Variants in PUM1 observed in about 807,000 individuals in gnomAD.
PUM1 encodes the protein pumilio RNA binding family member 1.
A neutral mutation model predicts 131.8 loss-of-function variants in PUM1; 13 were observed. The ratio of observed to expected loss-of-function variants is 0.10; its 90% CI spans 0.06 to 0.16. The LOEUF (loss-of-function observed/expected upper bound fraction) is 0.16, where lower values mean the gene tolerates loss of function less well. Ranked by LOEUF, PUM1 falls within the 10% of genes least tolerant of loss-of-function variation. The probability of loss-of-function intolerance (pLI) is 1.00; values close to 1 mark genes in which losing one functional copy is unlikely to be tolerated. For missense variants in PUM1, 961 were observed against 1,512.4 expected, an observed-to-expected ratio of 0.64 and a Z score of 6.05; for synonymous variants, 509 against 556.5, an observed-to-expected ratio of 0.91 and a Z score of 1.20.
chr1:30,954,031 T>C, intron 14 of PUM1, 50 bp from the exon 15 acceptor site: 2 of 1,566,000 alleles, frequency 1.3e-6, no homozygotes, highest in South Asian at 1.2e-5. Context: ...AGCAACTTCA[T>C]TCAAGAGAGA....
intron 2 of PUM1, among the ~76,000 whole-genome samples, chr1:31,033,540 T>C (rs1217104912): frequency 6.6e-6 from 1 of 152,052 alleles, no homozygotes; most frequent in African/African-American, 2.4e-5. Flanking sequence ...AATTTTCATA[T>C]TTTTTGAAGA....
intron 7 of PUM1, chr1:30,982,184 G>A (rs1483651259): frequency 6.6e-6 from 1 of 152,178 alleles, no homozygotes; most frequent in Non-Finnish European, 1.5e-5. Flanking sequence ...CTAAAGAAAA[G>A]AAAGTTCAAA....
intron 7 of PUM1, among the ~76,000 whole-genome samples, chr1:30,991,019 T>G (rs1344921881): frequency 1.3e-5 from 2 of 151,034 alleles, no homozygotes; most frequent in Admixed American, 6.6e-5. Context: ...AAACCAAAGA[T>G]CAATAAATCA....
At chr1:31,040,970 C>T (rs755919462) in intron 2 of PUM1, among the ~76,000 whole-genome samples, 1 of 152,014 alleles carries the variant, frequency 6.6e-6, no homozygotes, top group Non-Finnish European at 1.5e-5. Context: ...AAGAAGAAAA[C>T]GGGAGATGCA....
At chr1:31,038,984 A>ATATATATATATATATATATATATATTT in intron 2 of PUM1, among the ~76,000 whole-genome samples, 3 of 49,416 alleles carry the variant, frequency 6.1e-5, no homozygotes, top group African/African-American at 2.1e-4. Flanking sequence ...ATATATATAT[A>ATATATATATATATATATATATATATTT]TTTTTTTTTT....
At position 30,964,063 on chromosome 1, in the gene PUM1, C is replaced by T. The variant is rs560139340; in HGVS notation, c.2323+611G>A. Among the ~76,000 whole-genome samples, 6 of 152,210 alleles carry T rather than the reference C, an allele frequency of 3.9e-5. No homozygotes were observed. The South Asian group carries it at 1.2e-3, about 32-fold the overall frequency. On this transcript the variant is annotated intron_variant, in intron 14 of 21. Transcript: ENST00000426105. ...CTGCTGCTTGGGATCCTCTTTTTCT[C>T]TCCCTATTTTCTAGAATCTAGATGG...
rs776130667 is a variant in PUM1 at position 31,006,977 on chromosome 1, T to A, written c.541+17A>T. 1 of 1,585,182 alleles carries A rather than the reference T, an allele frequency of 6.3e-7. No individual in the cohort carries two copies. Among genetic ancestry groups the A allele is most frequent in the Non-Finnish European group, 8.7e-7 (1 of 1,154,082 alleles). ...AGACAGGCATAAATCACAGTACAGA[T>A]GCTAGATCTAGATTACCTGATGTTC... On this transcript the variant is annotated intron_variant, in intron 4 of 21. Transcript: ENST00000426105.
chr1:30,938,944 C>CAGACAGAT (rs1461475922), intron 20 of PUM1, among the ~76,000 whole-genome samples: 5 of 149,472 alleles, frequency 3.3e-5, no homozygotes, highest in African/African-American at 1.3e-4. Context: ...GACAGACAGA[C>CAGACAGAT]AGATAGACAG....
intron 2 of PUM1, among the ~76,000 whole-genome samples, chr1:31,030,009 A>G (rs1453456986): frequency 6.6e-6 from 1 of 151,426 alleles, no homozygotes; most frequent in Non-Finnish European, 1.5e-5. Flanking sequence ...TGAGATCAGG[A>G]GTTCGAGACC....
chr1:30,992,393 T>C lies in PUM1; in HGVS notation c.1155A>G (p.Gln385=). Residue 385 remains glutamine (Q), a synonymous_variant, in exon 7 of 22, where the codon CAA becomes CAG. Coordinates refer to ENST00000426105, the MANE Select transcript of PUM1 (RefSeq NM_001020658.2). ...GTGACAGAGACACACACAGTACCTG[T>C]TGTTGAGAATTGTAGTCAAAAAGTC... The part of the protein sequence containing the change: ...TVGLFDYNSQ[Q]QLFQRPNALA... 6.2e-7 allele frequency: 1 copy of C among 1,613,662 alleles called. No individual in the cohort carries two copies. Among genetic ancestry groups the C allele is most frequent in the Non-Finnish European group, 8.5e-7 (1 of 1,179,848 alleles).
At chr1:31,002,983 T>G (rs1220915562) in intron 5 of PUM1, among the ~76,000 whole-genome samples, 1 of 152,224 alleles carries the variant, frequency 6.6e-6, no homozygotes, top group East Asian at 1.9e-4. Flanking sequence ...TTTATTTTAG[T>G]TCTAAACACC....
chr1:30,986,563 A>AATCATC (rs541046734), intron 7 of PUM1, among the ~76,000 whole-genome samples: 13 of 152,036 alleles, frequency 8.6e-5, no homozygotes, highest in Non-Finnish European at 1.6e-4. Flanking sequence ...AAAAAAAAAA[A>AATCATC]ATCATCATCA....
chr1:30,992,425 T>C lies in PUM1; in HGVS notation c.1123A>G (p.Thr375Ala), dbSNP rs1452172090. The change falls in exon 7 of 22, where the codon ACT (threonine) becomes GCT (alanine). Residue 375 changes from threonine to alanine, a missense_variant. This residue lies in a region of PUM1 where 654 missense variants were observed against 923.9 expected (regional missense o/e 0.71). Coordinates refer to ENST00000426105, the MANE Select transcript of PUM1 (RefSeq NM_001020658.2). ...TQVPVDSAAATVGLFDYNSQQ... is the reference protein window; with the variant it reads ...TQVPVDSAAAAVGLFDYNSQQ... Reference sequence around the variant, plus strand: ...GAATTGTAGTCAAAAAGTCCCACAGTTGCTGCTGCTGAGTCCACAGGTACC... The same window carrying C: ...GAATTGTAGTCAAAAAGTCCCACAGCTGCTGCTGCTGAGTCCACAGGTACC... 1.2e-6 allele frequency: 2 copies of C among 1,614,174 alleles called. No homozygotes were observed. The highest frequency in any genetic ancestry group is 2.2e-5 in the East Asian group (1 of 44,884).
chr1:31,065,650 C>A lies in PUM1; in HGVS notation c.-46G>T, dbSNP rs1383267950. On this transcript the variant is annotated 5_prime_UTR_variant, in exon 1 of 22. Coordinates refer to ENST00000426105, the MANE Select transcript of PUM1 (RefSeq NM_001020658.2). Reference sequence around the variant, plus strand: ...GGTAGGATGAAGATGGATTTCAGCCCCCCGATCTTCTCTCTCTGGCGCTCT... The same window carrying A: ...GGTAGGATGAAGATGGATTTCAGCCACCCGATCTTCTCTCTCTGGCGCTCT... 3.2e-6 allele frequency: 5 copies of A among 1,549,422 alleles called. No individual in the cohort carries two copies. Among genetic ancestry groups the A allele is most frequent in the Non-Finnish European group, 4.4e-6 (5 of 1,146,848 alleles).
At chr1:31,017,370 G>C (rs982803454) in intron 3 of PUM1, among the ~76,000 whole-genome samples, 2 of 152,090 alleles carry the variant, frequency 1.3e-5, no homozygotes, top group African/African-American at 4.8e-5. Context: ...AAATGAACCT[G>C]GGATAGGATG....
chr1:31,034,475 A>T (rs1358446043), intron 2 of PUM1, among the ~76,000 whole-genome samples: 1 of 152,202 alleles, frequency 6.6e-6, no homozygotes, highest in Non-Finnish European at 1.5e-5. Flanking sequence ...TCCCGTCTCT[A>T]CCAAAAATAC....
intron 3 of PUM1, 69 bp downstream of exon 3, chr1:31,028,727 T>C (rs1643308795): frequency 4.0e-6 from 5 of 1,236,008 alleles, no homozygotes; most frequent in Admixed American, 3.4e-5. Context: ...TTTGGACACA[T>C]TTGATGAAAG....
intron 2 of PUM1, among the ~76,000 whole-genome samples, chr1:31,032,529 C>T (rs1643465769): frequency 1.3e-5 from 2 of 150,460 alleles, no homozygotes; most frequent in South Asian, 4.2e-4. Context: ...GAGACTCCTG[C>T]TCTGTTGCCC....
intron 14 of PUM1, among the ~76,000 whole-genome samples, chr1:30,961,522 C>A (rs1640406863): frequency 6.6e-6 from 1 of 151,564 alleles, no homozygotes. Context: ...AGACCCTGTC[C>A]CAAACAATAA....
Sources: gnomAD v4.1 joint callset for allele counts (sites outside exome capture counted in the v4.1 genomes callset) on GRCh38, gnomAD v4.1.1 for gene constraint, gnomAD v4.1.1 regional missense constraint, MANE v1.5 for transcripts, NCBI Gene and HGNC (gene_info 2026-07-23, HGNC 2026-07-21) for gene names.